The following GPD2 variants were observed in gnomAD, a reference collection of about 807,000 sequenced individuals.
GPD2 encodes the protein glycerol-3-phosphate dehydrogenase, mitochondrial.
Under a neutral mutation model 82.4 loss-of-function variants are expected in GPD2, and 54 were observed. That is an observed-to-expected ratio of 0.66 (90% CI 0.53 to 0.82). The LOEUF is 0.82. Ranked by LOEUF, GPD2 falls within the 40% of genes least tolerant of loss-of-function variation. GPD2 has a pLI of 0.00. For synonymous variants in GPD2, 288 were observed against 306.1 expected (o/e 0.94, Z 0.62); for missense variants, 748 against 896.2 (o/e 0.83, Z 2.11).
intron 16 of GPD2, 34 bp from the exon 17 acceptor site, chr2:156,582,759 G>A (rs532184396): frequency 6.2e-7 from 1 of 1,610,604 alleles, no homozygotes; most frequent in African/African-American, 1.3e-5. Context: ...AAGTTGGCCT[G>A]CGTTCTGAAT....
chr2:156,427,517 AT>A, the GPD2 span, among the ~76,000 whole-genome samples: 1 of 152,202 alleles, frequency 6.6e-6, no homozygotes, highest in Non-Finnish European at 1.5e-5. Flanking sequence ...AGGCTTTGGT[AT>A]TGCTTGAATG....
chr2:156,452,244 C>T (rs930090548), intron 1 of GPD2, among the ~76,000 whole-genome samples: 8 of 152,258 alleles, frequency 5.3e-5, no homozygotes, highest in Middle Eastern at 3.2e-3. Flanking sequence ...ATCACGCCAC[C>T]TCACTCCAGC....
chr2:156,563,188 T>C (rs1687238742), intron 9 of GPD2, among the ~76,000 whole-genome samples: 1 of 152,206 alleles, frequency 6.6e-6, no homozygotes, highest in Admixed American at 6.5e-5. Context: ...TATAGTTTGA[T>C]ATAAAAAGTT....
chr2:156,402,137 A>G, the GPD2 span, among the ~76,000 whole-genome samples: 1 of 152,248 alleles, frequency 6.6e-6, no homozygotes, highest in Non-Finnish European at 1.5e-5. Flanking sequence ...TGGAACACAC[A>G]ATATTATGTT....
the GPD2 span, among the ~76,000 whole-genome samples, chr2:156,405,869 GA>G: frequency 6.6e-6 from 1 of 152,192 alleles, no homozygotes; most frequent in South Asian, 2.1e-4. Context: ...CACCCAGTGC[GA>G]CAGGCAGGGG....
In GPD2 at chr2:156,557,350, G is replaced by C. The variant is rs766451062; in HGVS notation, c.972-39G>C. The C allele has an allele frequency of 1.7e-5, 22 of 1,266,990 alleles. No homozygotes were observed. In the South Asian group the frequency reaches 2.7e-4, roughly 15 times the overall value. 78.5% of individuals were successfully genotyped at this position (1,266,990 alleles called of 1,614,324 possible). A position where few individuals can be genotyped will look rare whatever the true frequency, so the allele number is the denominator to read the frequency against. ...GAATGCAGATTAATGTTAAACTTCT[G>C]GGATTTTCAGAAATAAATAATCCTT... On this transcript the variant is annotated intron_variant, in intron 8 of 16. Coordinates refer to ENST00000438166, the MANE Select transcript of GPD2 (RefSeq NM_000408.5).
intron 1 of GPD2, among the ~76,000 whole-genome samples, chr2:156,471,823 A>G (rs1381321749): frequency 6.6e-6 from 1 of 152,240 alleles, no homozygotes; most frequent in African/African-American, 2.4e-5. Context: ...ACACACTTTG[A>G]TATTTAATCC....
chr2:156,504,330 A>G (rs190110810), intron 3 of GPD2, among the ~76,000 whole-genome samples: 181 of 152,134 alleles, frequency 1.2e-3, no homozygotes, highest in African/African-American at 4.2e-3. Flanking sequence ...ATTAATGGCA[A>G]TGGCTGTCTG....
chr2:156,452,341 T>C (rs962988107), intron 1 of GPD2, among the ~76,000 whole-genome samples: 1 of 152,228 alleles, frequency 6.6e-6, no homozygotes, highest in Admixed American at 6.5e-5. Flanking sequence ...CACTCGCGGT[T>C]AGGAGCTGGA....
chr2:156,400,750 A>C, the GPD2 span, among the ~76,000 whole-genome samples: 2 of 152,244 alleles, frequency 1.3e-5, no homozygotes, highest in Non-Finnish European at 2.9e-5. Flanking sequence ...TATGGACACC[A>C]GAAATATGCT....
chr2:156,580,805 A>T (rs1233176069), intron 16 of GPD2, among the ~76,000 whole-genome samples: 1 of 152,216 alleles, frequency 6.6e-6, no homozygotes, highest in Non-Finnish European at 1.5e-5. Flanking sequence ...ATTACAAAAA[A>T]GAATGTTTGG....
At chr2:156,466,513 T>A (rs1233627284) in intron 1 of GPD2, among the ~76,000 whole-genome samples, 1 of 152,210 alleles carries the variant, frequency 6.6e-6, no homozygotes, top group African/African-American at 2.4e-5. Flanking sequence ...GTAGAAAGCA[T>A]AAGTATGTTA....
At chr2:156,531,027 T>G (rs1379290682) in intron 6 of GPD2, among the ~76,000 whole-genome samples, 2 of 152,196 alleles carry the variant, frequency 1.3e-5, no homozygotes, top group Admixed American at 1.3e-4. Flanking sequence ...GCATAAACAT[T>G]ATTAACACAA....
In GPD2 at chr2:156,570,132, G is replaced by A; in HGVS notation, c.1522G>A (p.Val508Met). The A allele has an allele frequency of 1.9e-6, 3 of 1,612,214 alleles. No individual in the cohort carries two copies. The highest frequency in any genetic ancestry group is 2.5e-6 in the Non-Finnish European group (3 of 1,179,144). The change falls in exon 12 of 17, where the codon GTG (valine) becomes ATG (methionine). Residue 508 changes from valine to methionine, a missense_variant. Val to Met is a conservative substitution (Grantham distance 21). This residue lies in a region of GPD2 where 692 missense variants were observed against 809.7 expected (regional missense o/e 0.85). Transcript: ENST00000438166. Reference sequence around the variant, plus strand: ...CACCTATGGTGATAAGGCCTTTGAGGTGGCCAAAATGGCAAGTGTGACTGG... The same window carrying A: ...CACCTATGGTGATAAGGCCTTTGAGATGGCCAAAATGGCAAGTGTGACTGG... Reference protein sequence around the residue: ...AATYGDKAFEVAKMASVTGKR... With the variant: ...AATYGDKAFEMAKMASVTGKR...
intron 1 of GPD2, among the ~76,000 whole-genome samples, chr2:156,456,170 C>T (rs1309309513): frequency 2.0e-5 from 3 of 152,124 alleles, no homozygotes; most frequent in Non-Finnish European, 4.4e-5. Flanking sequence ...TTCAGTGGTA[C>T]ACCAAAGAAA....
the GPD2 span, among the ~76,000 whole-genome samples, chr2:156,401,210 A>T: frequency 5.2e-4 from 79 of 152,194 alleles, no homozygotes; most frequent in Non-Finnish European, 9.6e-4. Context: ...CCACTGAACC[A>T]CCAATGCTTA....
chr2:156,472,381 C>T (rs570287999), intron 1 of GPD2, among the ~76,000 whole-genome samples: 3 of 152,104 alleles, frequency 2.0e-5, no homozygotes, highest in South Asian at 2.1e-4. Flanking sequence ...AGTGCAGTGG[C>T]GCAGTCTCGG....
the GPD2 span, among the ~76,000 whole-genome samples, chr2:156,406,403 G>A: frequency 1.3e-5 from 2 of 152,240 alleles, no homozygotes; most frequent in Admixed American, 1.3e-4. Flanking sequence ...CAACAAGCCT[G>A]ATTTCTCCTT....
chr2:156,489,839 C>T (rs1297576127), intron 2 of GPD2, among the ~76,000 whole-genome samples: 1 of 404 alleles, frequency 2.5e-3, no homozygotes, highest in Non-Finnish European at 5.3e-3. Context: ...TTCCTCCCCT[C>T]CCCTCCCTTC....
Sources: gnomAD v4.1 joint callset for allele counts (sites outside exome capture counted in the v4.1 genomes callset) on GRCh38, gnomAD v4.1.1 for gene constraint, gnomAD v4.1.1 regional missense constraint, MANE v1.5 for transcripts, NCBI Gene and HGNC (gene_info 2026-07-23, HGNC 2026-07-21) for gene names.